Variants in ARHGAP42 observed in about 807,000 individuals in gnomAD.
ARHGAP42 encodes the protein Rho GTPase activating protein 42, also known as rho GTPase-activating protein 42.
In ARHGAP42, 63 loss-of-function variants were observed where a neutral mutation model predicts 125.0. That is an observed-to-expected ratio of 0.50 (90% CI 0.41 to 0.62). The LOEUF (loss-of-function observed/expected upper bound fraction) is 0.62, where lower values mean the gene tolerates loss of function less well. ARHGAP42 is among the 20% of genes least tolerant of loss of function. The probability of loss-of-function intolerance (pLI) is 0.00; values close to 1 mark genes in which losing one functional copy is unlikely to be tolerated. For missense variants in ARHGAP42, 766 were observed against 1,024.2 expected, an observed-to-expected ratio of 0.75 and a Z score of 3.44; for synonymous variants, 339 against 351.0, an observed-to-expected ratio of 0.97 and a Z score of 0.38.
chr11:100,893,094 C>T (rs2135194915), intron 4 of ARHGAP42, among the ~76,000 whole-genome samples: 1 of 151,750 alleles, frequency 6.6e-6, no homozygotes, highest in African/African-American at 2.4e-5. Context: ...CTGTCATTTC[C>T]ATGGAGAGTT....
At chr11:100,828,408 C>T (rs629864) in intron 3 of ARHGAP42, among the ~76,000 whole-genome samples, 101,218 of 151,990 alleles carry the variant, frequency 0.67, 34,322 homozygotes, top group East Asian at 0.96. Context: ...CCCCTGTTCT[C>T]TGATGACTGA....
chr11:100,862,396 G>A (rs183668173), intron 4 of ARHGAP42, among the ~76,000 whole-genome samples: 1 of 151,826 alleles, frequency 6.6e-6, no homozygotes, highest in East Asian at 1.9e-4. Flanking sequence ...CCCAAAAAGA[G>A]TAAGTTTCAT....
At chr11:100,971,305 A>C (rs998992709) in intron 17 of ARHGAP42, among the ~76,000 whole-genome samples, 1 of 152,026 alleles carries the variant, frequency 6.6e-6, no homozygotes, top group Non-Finnish European at 1.5e-5. Context: ...TACCATTTCC[A>C]TAAGTAGAAC....
chr11:100,831,605 TAGA>T, intron 3 of ARHGAP42, among the ~76,000 whole-genome samples: 1 of 152,294 alleles, frequency 6.6e-6, no homozygotes, highest in East Asian at 1.9e-4. Context: ...ACTGCTACTG[TAGA>T]AGATTTTATT....
chr11:100,862,198 A>T (rs190950387), intron 4 of ARHGAP42, among the ~76,000 whole-genome samples: 3 of 152,142 alleles, frequency 2.0e-5, no homozygotes, highest in African/African-American at 7.2e-5. Context: ...GAGGAAAATG[A>T]TGGGGTGACT....
Position 100,992,674 on chromosome 11 carries a change from T to C in ARHGAP42, c.*3873T>C. The C allele has an allele frequency of 6.3e-7, 1 of 1,597,912 alleles. No homozygotes were observed. Among genetic ancestry groups the C allele is most frequent in the Non-Finnish European group, 8.5e-7 (1 of 1,172,800 alleles). ...TGCCAGTTCCACTTGGTAATAACGT[T>C]GGGAAAATGCAGGTTTATGAATGAT... On this transcript the variant is annotated 3_prime_UTR_variant, in exon 24 of 24. Coordinates refer to ENST00000298815, the MANE Select transcript of ARHGAP42 (RefSeq NM_152432.4).
intron 1 of ARHGAP42, among the ~76,000 whole-genome samples, chr11:100,765,847 A>C (rs492237): frequency 0.54 from 81,952 of 152,020 alleles, 22,590 homozygotes; most frequent in African/African-American, 0.67. Context: ...GGAAGAACTA[A>C]CTTAAACTAA....
intron 1 of ARHGAP42, among the ~76,000 whole-genome samples, chr11:100,749,417 C>T (rs559448809): frequency 6.6e-6 from 1 of 150,758 alleles, no homozygotes; most frequent in Admixed American, 6.6e-5. Context: ...ACTAAACCCT[C>T]AAACCAGGGA....
intron 3 of ARHGAP42, among the ~76,000 whole-genome samples, chr11:100,838,174 C>T: frequency 6.6e-6 from 1 of 151,774 alleles, no homozygotes; most frequent in Non-Finnish European, 1.5e-5. Context: ...TGTGATGCTT[C>T]CTTCTGAGTA....
intron 17 of ARHGAP42, 127 bp from the exon 18 acceptor site, chr11:100,973,048 T>A: frequency 1.2e-6 from 1 of 828,346 alleles, no homozygotes; most frequent in South Asian, 2.3e-5. Flanking sequence ...TGGAAGTGGC[T>A]AAAAGTAGGA....
chr11:100,778,144 G>T (rs1863174433), intron 2 of ARHGAP42, among the ~76,000 whole-genome samples: 1 of 151,820 alleles, frequency 6.6e-6, no homozygotes, highest in Non-Finnish European at 1.5e-5. Context: ...CTGTACTGCA[G>T]CCTGGGTAAC....
chr11:100,973,928 C>T, intron 18 of ARHGAP42, among the ~76,000 whole-genome samples: 1 of 152,136 alleles, frequency 6.6e-6, no homozygotes, highest in Non-Finnish European at 1.5e-5. Flanking sequence ...GGTCCCTTCC[C>T]AGCACCCACA....
At chr11:100,691,243 T>G (rs2120166741) in intron 1 of ARHGAP42, among the ~76,000 whole-genome samples, 1 of 152,348 alleles carries the variant, frequency 6.6e-6, no homozygotes, top group Admixed American at 6.5e-5. Flanking sequence ...TGTATCCTTT[T>G]AACAGGTCTC....
At chr11:100,745,936 C>G (rs4121393) in intron 1 of ARHGAP42, among the ~76,000 whole-genome samples, 3,951 of 152,276 alleles carry the variant, frequency 0.026, 66 homozygotes, top group Non-Finnish European at 0.031. Flanking sequence ...ATATGGTATT[C>G]CCCATGGGAC....
At chr11:100,834,004 T>TA (rs1239546435) in intron 3 of ARHGAP42, among the ~76,000 whole-genome samples, 1 of 152,158 alleles carries the variant, frequency 6.6e-6, no homozygotes, top group Non-Finnish European at 1.5e-5. Flanking sequence ...GTTTGGAAAA[T>TA]AAAATGTCAT....
In ARHGAP42 at chr11:100,807,036, C is replaced by T. The variant is rs192297830; in HGVS notation, c.312+11870C>T. ...CTAATTTTTGTATTTTTAATAGAGA[C>T]GGGGTTTCACCGTGTTGGCCAGGCT... is the stretch of plus-strand genomic sequence containing the variant. On this transcript the variant is annotated intron_variant, in intron 3 of 23. Transcript: ENST00000298815. Among the ~76,000 whole-genome samples, 147 of 151,998 alleles carry T rather than the reference C, an allele frequency of 9.7e-4. 1 individual carries two copies. Among genetic ancestry groups the T allele is most frequent in the African/African-American group, 3.4e-3 (142 of 41,474 alleles).
chr11:100,949,862 C>A, intron 11 of ARHGAP42, 55 bp from the exon 12 acceptor site: 1 of 1,207,206 alleles, frequency 8.3e-7, no homozygotes, highest in Non-Finnish European at 1.1e-6. Flanking sequence ...CCTTGCTAAT[C>A]TTTTGTGCTG....
At chr11:100,909,975 C>T (rs1296047051) in intron 4 of ARHGAP42, among the ~76,000 whole-genome samples, 1 of 152,058 alleles carries the variant, frequency 6.6e-6, no homozygotes, top group Non-Finnish European at 1.5e-5. Flanking sequence ...CAGTAGTTTC[C>T]TTCCATTCCT....
intron 14 of ARHGAP42, 122 bp downstream of exon 14, chr11:100,961,111 G>T: frequency 1.7e-6 from 1 of 596,812 alleles, no homozygotes; most frequent in Non-Finnish European, 2.6e-6. Context: ...GTTCATATAT[G>T]TATTCAGTTT....
Sources: allele counts gnomAD v4.1 joint callset (sites outside exome capture counted in the v4.1 genomes callset), GRCh38; gene constraint gnomAD v4.1.1; transcripts MANE v1.5; gene names NCBI Gene and HGNC (gene_info 2026-07-23, HGNC 2026-07-21).